The following RRM2 variants were observed in gnomAD, a reference collection of about 807,000 sequenced individuals.
RRM2 encodes ribonucleotide reductase regulatory subunit M2, also known as ribonucleoside-diphosphate reductase subunit M2.
Under a neutral mutation model 45.9 loss-of-function variants are expected in RRM2, and 6 were observed. The observed-to-expected ratio is 0.13, with a 90% confidence interval of 0.07 to 0.26. The LOEUF (loss-of-function observed/expected upper bound fraction) is 0.26. RRM2 is among the 10% of genes least tolerant of loss of function. The pLI, the probability that RRM2 is intolerant of heterozygous loss-of-function variation, is 1.00. For synonymous variants in RRM2, 177 were observed against 173.0 expected (o/e 1.02, Z -0.18); for missense variants, 343 against 489.5 (o/e 0.70, Z 2.82).
chr2:10,133,202 G>A (rs1662931226), downstream of RRM2, among the ~76,000 whole-genome samples: 1 of 152,250 alleles, frequency 6.6e-6, no homozygotes. Flanking sequence ...GGAAAAGGCA[G>A]CCCTGCTGAG....
At chr2:10,178,071 A>G (rs113144161) in intron 3 of RRM2, among the ~76,000 whole-genome samples, 42,690 of 150,600 alleles carry the variant, frequency 0.28, 6,552 homozygotes, top group Non-Finnish European at 0.35. Context: ...ACAGGTGCCC[A>G]CCAACACGCC....
chr2:10,136,471 C>G (rs1051906382), upstream of RRM2, among the ~76,000 whole-genome samples: 4 of 152,164 alleles, frequency 2.6e-5, no homozygotes, highest in African/African-American at 9.7e-5. Flanking sequence ...ACTGCTTGAC[C>G]CCCTGTTGCC....
chr2:10,148,121 G>GCAACAGA (rs1347818514), intron 3 of RRM2, among the ~76,000 whole-genome samples: 1 of 137,906 alleles, frequency 7.3e-6, no homozygotes, highest in Non-Finnish European at 1.5e-5. Flanking sequence ...TCCAGCCTGG[G>GCAACAGA]CAACAGAGTG....
At chr2:10,160,010 C>G (rs867768407) in intron 3 of RRM2, among the ~76,000 whole-genome samples, 2 of 152,172 alleles carry the variant, frequency 1.3e-5, no homozygotes, top group African/African-American at 4.8e-5. Flanking sequence ...CCTCTCCCTG[C>G]CCCTCCAGGC....
intron 3 of RRM2, among the ~76,000 whole-genome samples, chr2:10,153,778 G>C (rs1457221377): frequency 6.6e-6 from 1 of 152,126 alleles, no homozygotes; most frequent in Non-Finnish European, 1.5e-5. Flanking sequence ...ACTTTTTCTT[G>C]CTGCCAAGTA....
At chr2:10,156,037 C>T (rs1448529124) in intron 3 of RRM2, 1 of 152,250 alleles carries the variant, frequency 6.6e-6, no homozygotes, top group African/African-American at 2.4e-5. Context: ...CTGAGTCTGC[C>T]TGAGTCTACA....
At position 10,129,027 on chromosome 2, in the gene RRM2, ATT is replaced by A. The variant is rs1662842430; in HGVS notation, c.904-11_904-10del. ...TGCTTTAGTTGTATTCAGAAGCTGT[ATT>A]TTGGTTCCTAGGAGTTCCTCACTGA... is the stretch of plus-strand genomic sequence containing the variant. On this transcript the variant is annotated splice_polypyrimidine_tract_variant and intron_variant, in intron 8 of 9. Transcript: ENST00000304567. The surrounding 1 kb of genome is among the most constrained non-coding windows in gnomAD (Gnocchi z 4.8). 6.2e-7 allele frequency: 1 copy of A among 1,612,866 alleles called. No homozygotes were observed. The highest frequency in any genetic ancestry group is 1.3e-5 in the African/African-American group (1 of 74,900).
intron 3 of RRM2, among the ~76,000 whole-genome samples, chr2:10,162,678 C>A (rs567002150): frequency 6.8e-4 from 103 of 151,920 alleles, no homozygotes; most frequent in Non-Finnish European, 1.3e-3. Flanking sequence ...CTGCACCCCC[C>A]CGCCGCCCCC....
At chr2:10,173,296 C>T (rs561076518) in intron 3 of RRM2, among the ~76,000 whole-genome samples, 1 of 152,328 alleles carries the variant, frequency 6.6e-6, no homozygotes, top group South Asian at 2.1e-4. Context: ...TTTCATCTCT[C>T]TCCGTTATTT....
chr2:10,195,680 C>T lies in RRM2; in HGVS notation n.483-14631C>T, dbSNP rs141382911. The stretch of plus-strand genomic sequence containing the variant: ...GGCAGACCTGTGAGTTGGTCCCCGA[C>T]AGCCTCCTGCCTTTCTCCCTGACTG... On this transcript the variant is annotated intron_variant and non_coding_transcript_variant, in intron 3 of 3. Coordinates refer to the RRM2 transcript ENST00000381786. The surrounding 1 kb of genome is among the most constrained non-coding windows in gnomAD (Gnocchi z 4.9). Among the ~76,000 whole-genome samples the T allele has an allele frequency of 1.2e-4, 19 of 152,304 alleles. No individual in the cohort carries two copies. Among genetic ancestry groups the T allele is most frequent in the African/African-American group, 4.3e-4 (18 of 41,570 alleles).
In RRM2 at chr2:10,128,876, T is replaced by C. The variant is rs755979573; in HGVS notation, c.827T>C (p.Met276Thr). ...EGLHCDFACL[M>T]FKHLVHKPSE... ...TTACACTGTGATTTTGCTTGCCTGA[T>C]GTTCAAACACCTGGTACACAAACCA... The change falls in exon 8 of 10, where the codon ATG becomes ACG. Residue 276 changes from methionine to threonine, a missense_variant. By Grantham distance (81) the Met-to-Thr change is moderately conservative. This residue lies in a region of RRM2 where 212 missense variants were observed against 368.1 expected (regional missense o/e 0.58). Transcript: ENST00000304567. 3 of 1,614,226 alleles carry C rather than the reference T, an allele frequency of 1.9e-6. No homozygotes were observed. The highest frequency in any genetic ancestry group is 1.7e-6 in the Non-Finnish European group (2 of 1,180,016).
chr2:10,207,892 C>T (rs4668669), intron 3 of RRM2, among the ~76,000 whole-genome samples: 7,583 of 152,010 alleles, frequency 0.05, 498 homozygotes, highest in African/African-American at 0.15. Context: ...CTTTGGCCAC[C>T]GAGATATCTC....
intron 3 of RRM2, chr2:10,142,417 C>G (rs776427483): frequency 7.3e-7 from 1 of 1,367,600 alleles, no homozygotes; most frequent in Non-Finnish European, 9.8e-7. Flanking sequence ...GAAGAGGGGC[C>G]ACTGTGGAGG....
intron 3 of RRM2, among the ~76,000 whole-genome samples, chr2:10,146,404 G>A (rs1663187445): frequency 6.6e-6 from 1 of 152,214 alleles, no homozygotes; most frequent in African/African-American, 2.4e-5. Flanking sequence ...AAAGCTCCCT[G>A]GTAATTCTCA....
chr2:10,184,900 G>T (rs900531027), intron 3 of RRM2, among the ~76,000 whole-genome samples: 1 of 152,210 alleles, frequency 6.6e-6, no homozygotes, highest in African/African-American at 2.4e-5. Flanking sequence ...TAGAGTGTTT[G>T]TGGGTTTAGA....
At chr2:10,192,179 G>A (rs1664322188) in intron 3 of RRM2, among the ~76,000 whole-genome samples, 1 of 152,182 alleles carries the variant, frequency 6.6e-6, no homozygotes, top group Non-Finnish European at 1.5e-5. Flanking sequence ...GAAGGGGGAG[G>A]TAAAAGCTGT....
At chr2:10,154,244 C>T (rs1165590547) in intron 3 of RRM2, among the ~76,000 whole-genome samples, 3 of 152,058 alleles carry the variant, frequency 2.0e-5, no homozygotes, top group East Asian at 1.9e-4. Flanking sequence ...GAGGCCTAGG[C>T]GGGCAGATCG....
rs1376395198 is a variant in RRM2, at chr2:10,195,047, G to A, written n.483-15264G>A. 6.6e-6 allele frequency among the ~76,000 whole-genome samples: 1 copy of A among 152,126 alleles called. No homozygotes were observed. Among genetic ancestry groups the A allele is most frequent in the African/African-American group, 2.4e-5 (1 of 41,376 alleles). ...ACCACCAAAACCCTCACGAGGCCAT[G>A]TGGTCGTGGCTACGGGTTTAATCTA... is the stretch of plus-strand genomic sequence containing the variant. On this transcript the variant is annotated intron_variant and non_coding_transcript_variant, in intron 3 of 3. Coordinates refer to the RRM2 transcript ENST00000381786. The surrounding 1 kb of genome is among the most constrained non-coding windows in gnomAD (Gnocchi z 4.9).
intron 3 of RRM2, among the ~76,000 whole-genome samples, chr2:10,167,580 C>T (rs762849071): frequency 3.3e-5 from 5 of 152,080 alleles, no homozygotes; most frequent in Non-Finnish European, 7.4e-5. Flanking sequence ...TTTCAGCGGG[C>T]GTGGTGGTGG....
Sources: gnomAD v4.1 joint callset for allele counts (sites outside exome capture counted in the v4.1 genomes callset) on GRCh38, gnomAD v4.1.1 for gene constraint, gnomAD v4.1.1 regional missense constraint, Gnocchi (gnomAD v3.1) non-coding constraint, MANE v1.5 for transcripts, NCBI Gene and HGNC (gene_info 2026-07-23, HGNC 2026-07-21) for gene names.